AP1S3: variants seen among roughly 807,000 people sequenced by gnomAD.
AP1S3 encodes adaptor related protein complex 1 subunit sigma 3.
In AP1S3, 10 loss-of-function variants were observed where a neutral mutation model predicts 20.9. That is an observed-to-expected ratio of 0.48 (90% confidence interval 0.29 to 0.81). The LOEUF (loss-of-function observed/expected upper bound fraction) is 0.81, where lower values mean the gene tolerates loss of function less well. Among genes scored for constraint, AP1S3 ranks in the 30% least tolerant of loss-of-function variants. AP1S3 has a pLI of 0.08. For missense variants in AP1S3, 154 were observed against 183.8 expected (o/e 0.84, Z 0.94); for synonymous variants, 41 against 61.5 (o/e 0.67, Z 1.56).
At chr2:223,796,262 A>T (rs77140808) in intron 1 of AP1S3, among the ~76,000 whole-genome samples, 3,055 of 152,266 alleles carry the variant, frequency 0.02, 103 homozygotes, top group African/African-American at 0.069. Context: ...AGGCAAAAAC[A>T]ATCTCTGCTT....
intron 1 of AP1S3, among the ~76,000 whole-genome samples, chr2:223,826,404 C>G (rs1210032483): frequency 1.3e-5 from 2 of 152,176 alleles, no homozygotes; most frequent in African/African-American, 4.8e-5. Context: ...ACCAGCCTGG[C>G]CAACATGGTG....
chr2:223,825,745 G>A (rs1345926229), intron 1 of AP1S3, among the ~76,000 whole-genome samples: 1 of 152,108 alleles, frequency 6.6e-6, no homozygotes, highest in Non-Finnish European at 1.5e-5. Flanking sequence ...TGCCGGCCAT[G>A]GTGGCTCAGG....
chr2:223,804,712 T>G (rs10933018), intron 1 of AP1S3, among the ~76,000 whole-genome samples: 51,535 of 149,202 alleles, frequency 0.35, 9,182 homozygotes, highest in Middle Eastern at 0.41. Flanking sequence ...TGACAGAGAC[T>G]GTTTCAAAAA....
rs1489731676 is a variant in AP1S3, at chr2:223,826,457, G to A, written c.3+10991C>T. On this transcript the variant is annotated intron_variant, in intron 1 of 4. Coordinates refer to ENST00000396654, the MANE Select transcript of AP1S3 (RefSeq NM_001039569.2). ...AAAATACAAAAATTAGCTGAGCATA[G>A]TGGTGTGCGCCCGTAATCCCAGCTA... 2.6e-5 allele frequency among the ~76,000 whole-genome samples: 4 copies of A among 152,136 alleles called. 1 individual carries two copies. The South Asian group carries it at 6.2e-4, about 24-fold the overall frequency.
intron 2 of AP1S3, 30 bp downstream of exon 2, chr2:223,777,661 G>A (rs774158836): frequency 1.0e-5 from 16 of 1,597,494 alleles, no homozygotes; most frequent in Non-Finnish European, 1.4e-5. Context: ...GTAAGACTGA[G>A]AAATTGAGCT....
At chr2:223,803,891 A>C (rs1299514561) in intron 1 of AP1S3, among the ~76,000 whole-genome samples, 1 of 152,086 alleles carries the variant, frequency 6.6e-6, no homozygotes, top group Non-Finnish European at 1.5e-5. Flanking sequence ...AAAAAAAAAA[A>C]AAAAAATAGA....
intron 1 of AP1S3, among the ~76,000 whole-genome samples, chr2:223,805,928 G>A (rs1691569042): frequency 6.6e-6 from 1 of 151,964 alleles, no homozygotes; most frequent in Non-Finnish European, 1.5e-5. Context: ...ACACTAATTG[G>A]CCAACTGCAG....
intron 2 of AP1S3, chr2:223,776,229 ACT>A (rs1416614340): frequency 3.1e-6 from 2 of 636,614 alleles, no homozygotes; most frequent in African/African-American, 3.6e-5. Flanking sequence ...CGCATGAAAG[ACT>A]CTCAACAAAA....
chr2:223,816,777 A>G (rs1691852855), intron 1 of AP1S3, among the ~76,000 whole-genome samples: 1 of 152,218 alleles, frequency 6.6e-6, no homozygotes, highest in African/African-American at 2.4e-5. Flanking sequence ...CAGAGTCAAC[A>G]TACTACAGAC....
At chr2:223,794,656 G>C (rs974131502) in intron 1 of AP1S3, among the ~76,000 whole-genome samples, 1 of 152,004 alleles carries the variant, frequency 6.6e-6, no homozygotes, top group African/African-American at 2.4e-5. Flanking sequence ...TGTTACACAC[G>C]ACTTGTCGGA....
intron 1 of AP1S3, among the ~76,000 whole-genome samples, chr2:223,791,588 C>T (rs1226011839): frequency 6.6e-6 from 1 of 152,130 alleles, no homozygotes; most frequent in African/African-American, 2.4e-5. Context: ...GCTGAATGGG[C>T]AAAAGCTGGA....
intron 1 of AP1S3, among the ~76,000 whole-genome samples, chr2:223,833,367 C>T (rs1193185551): frequency 6.6e-6 from 1 of 152,108 alleles, no homozygotes; most frequent in African/African-American, 2.4e-5. Flanking sequence ...GGGCTCAGCT[C>T]GTGGGATTCC....
At chr2:223,836,846 T>C (rs1280889587) in intron 1 of AP1S3, among the ~76,000 whole-genome samples, 6 of 152,064 alleles carry the variant, frequency 3.9e-5, no homozygotes, top group Admixed American at 2.0e-4. Flanking sequence ...AAAACCCGCC[T>C]CACCTGGCAG....
chr2:223,756,474 GAAAGAAAGAAAA>G lies in AP1S3; in HGVS notation c.*2229_*2240del, dbSNP rs1313273979. The stretch of plus-strand genomic sequence containing the variant: ...AAAAGAAAGAAAGAAAGAAAAGAAA[GAAAGAAAGAAAA>G]AAAGAAAGAAAAAATTCTAACACAT... On this transcript the variant is annotated 3_prime_UTR_variant, in exon 5 of 5. Transcript: ENST00000396654. 18 of 932,866 alleles carry G rather than the reference GAAAGAAAGAAAA, an allele frequency of 1.9e-5. No individual in the cohort carries two copies. The highest frequency in any genetic ancestry group is 2.3e-5 in the Non-Finnish European group (18 of 783,254). 57.8% of individuals were successfully genotyped at this position (932,866 alleles called of 1,614,324 possible).
In AP1S3 at chr2:223,784,728, G is replaced by A. The variant is rs74569506; in HGVS notation, c.4-6859C>T. On this transcript the variant is annotated intron_variant, in intron 1 of 4. Coordinates refer to ENST00000396654, the MANE Select transcript of AP1S3 (RefSeq NM_001039569.2). ...TAAAATCTGTCTTTGACCAGGTATA[G>A]TGGCTCATGCTTGTAATCACAACAC... 5.4e-3 allele frequency among the ~76,000 whole-genome samples: 821 copies of A among 152,264 alleles called. 9 individuals are homozygous for A. The highest frequency in any genetic ancestry group is 0.018 in the African/African-American group (736 of 41,564).
chr2:223,762,268 A>ATT (rs57119521), intron 4 of AP1S3, among the ~76,000 whole-genome samples: 3,857 of 105,104 alleles, frequency 0.037, 366 homozygotes, highest in African/African-American at 0.08. Flanking sequence ...GTGCCCAGCA[A>ATT]TTTTTTTTTT....
chr2:223,803,861 C>T (rs1393075554), intron 1 of AP1S3, among the ~76,000 whole-genome samples: 1 of 139,188 alleles, frequency 7.2e-6, no homozygotes, highest in Admixed American at 7.7e-5. Context: ...GCCTGGGTGA[C>T]AGAGCGAGAC....
In AP1S3 at chr2:223,815,657, T is replaced by C. The variant is rs187112785; in HGVS notation, c.3+21791A>G. Among the ~76,000 whole-genome samples, 8 of 152,368 alleles carry C rather than the reference T, an allele frequency of 5.3e-5. No homozygotes were observed. The East Asian group carries it at 1.5e-3, about 29-fold the overall frequency. On this transcript the variant is annotated intron_variant, in intron 1 of 4. Coordinates refer to ENST00000396654, the MANE Select transcript of AP1S3 (RefSeq NM_001039569.2). ...AATTCCACAGCAAATAATCCAAGCA[T>C]ATAAACTGTTCTTATGCATACAGTA...
At chr2:223,778,936 C>T (rs1477371227) in intron 1 of AP1S3, among the ~76,000 whole-genome samples, 2 of 151,878 alleles carry the variant, frequency 1.3e-5, no homozygotes, top group Non-Finnish European at 2.9e-5. Context: ...TAGTCTCAGA[C>T]GATCCGCCCA....
Sources: allele counts gnomAD v4.1 joint callset (sites outside exome capture counted in the v4.1 genomes callset), GRCh38; gene constraint gnomAD v4.1.1; transcripts MANE v1.5; gene names NCBI Gene and HGNC (gene_info 2026-07-23, HGNC 2026-07-21).